DYNC2I1: variants seen among roughly 807,000 people sequenced by gnomAD.
The protein encoded by DYNC2I1 is cytoplasmic dynein 2 intermediate chain 1.
A neutral mutation model predicts 133.4 loss-of-function variants in DYNC2I1; 89 were observed. The observed-to-expected ratio is 0.67, with a 90% confidence interval of 0.56 to 0.80. The LOEUF is 0.80. Ranked by LOEUF, DYNC2I1 falls within the 30% of genes least tolerant of loss-of-function variation. The probability of loss-of-function intolerance (pLI) is 0.00; values close to 1 mark genes in which losing one functional copy is unlikely to be tolerated. For missense variants in DYNC2I1, 1,291 were observed against 1,314.5 expected (o/e 0.98, Z 0.28); for synonymous variants, 504 against 484.3 (o/e 1.04, Z -0.54).
intron 17 of DYNC2I1, among the ~76,000 whole-genome samples, chr7:158,925,004 CCTT>C (rs1328007230): frequency 1.3e-5 from 2 of 152,184 alleles, no homozygotes; most frequent in African/African-American, 4.8e-5. Context: ...GATCTGCCCT[CCTT>C]GGCCTCCCAA....
intron 23 of DYNC2I1, among the ~76,000 whole-genome samples, chr7:158,936,933 T>C (rs1850817392): frequency 6.6e-6 from 1 of 152,044 alleles, no homozygotes; most frequent in African/African-American, 2.4e-5. Context: ...CAAAACAAGC[T>C]GGACAGAGAA....
chr7:158,849,839 G>C, the DYNC2I1 span, among the ~76,000 whole-genome samples: 1 of 152,230 alleles, frequency 6.6e-6, no homozygotes, highest in African/African-American at 2.4e-5. Flanking sequence ...AGGGGAGGAA[G>C]TGCATCCTGA....
chr7:158,873,706 A>G (rs1408915548), intron 3 of DYNC2I1, among the ~76,000 whole-genome samples: 1 of 152,202 alleles, frequency 6.6e-6, no homozygotes, highest in African/African-American at 2.4e-5. Flanking sequence ...AGCCCACCAC[A>G]GCCTTGAACT....
chr7:158,866,227 C>G (rs551372230), intron 1 of DYNC2I1, among the ~76,000 whole-genome samples: 1 of 150,756 alleles, frequency 6.6e-6, no homozygotes, highest in Non-Finnish European at 1.5e-5. Context: ...GCAGCGCCCA[C>G]GTCTCCTGGT....
At chr7:158,854,784 G>A (rs1841134031), upstream of DYNC2I1, among the ~76,000 whole-genome samples, 1 of 152,200 alleles carries the variant, frequency 6.6e-6, no homozygotes, top group South Asian at 2.1e-4. Context: ...CTCTTTCACT[G>A]TCATAATTTT....
chr7:158,957,956 G>A (rs1407442797), downstream of DYNC2I1, among the ~76,000 whole-genome samples: 2 of 152,080 alleles, frequency 1.3e-5, no homozygotes, highest in African/African-American at 4.8e-5. Context: ...GGACCCTGAG[G>A]GCCCCTCGGC....
upstream of DYNC2I1, among the ~76,000 whole-genome samples, chr7:158,853,380 C>G (rs1362901494): frequency 2.0e-5 from 3 of 152,148 alleles, no homozygotes; most frequent in Non-Finnish European, 4.4e-5. Flanking sequence ...GAACAGGCTT[C>G]TTTAAGTCTG....
intron 1 of DYNC2I1, among the ~76,000 whole-genome samples, chr7:158,857,032 C>A (rs941823142): frequency 6.6e-6 from 1 of 152,046 alleles, no homozygotes; most frequent in South Asian, 2.1e-4. Flanking sequence ...TCCTCGCGCC[C>A]GGCCTGGAGG....
chr7:158,846,495 T>C, the DYNC2I1 span, among the ~76,000 whole-genome samples: 1 of 152,286 alleles, frequency 6.6e-6, no homozygotes, highest in South Asian at 2.1e-4. Flanking sequence ...TCTATGTAAG[T>C]AGTAATACTG....
At chr7:158,915,090 T>C (rs62476470) in intron 14 of DYNC2I1, among the ~76,000 whole-genome samples, 171 of 127,086 alleles carry the variant, frequency 1.3e-3, no homozygotes, top group African/African-American at 2.0e-3. Flanking sequence ...AACCTCGACA[T>C]GCTGGTTGAC....
chr7:158,924,444 A>G (rs1401495736), intron 17 of DYNC2I1, among the ~76,000 whole-genome samples: 1 of 151,934 alleles, frequency 6.6e-6, no homozygotes, highest in East Asian at 1.9e-4. Flanking sequence ...ATTATCATAG[A>G]TATGTTGCGT....
intron 13 of DYNC2I1, 59 bp downstream of exon 13, chr7:158,913,155 T>C: frequency 7.9e-7 from 1 of 1,269,562 alleles, no homozygotes; most frequent in Non-Finnish European, 1.1e-6. Flanking sequence ...TTTTGTTTTA[T>C]TTTTACTTAT....
Position 158,922,477 on chromosome 7 carries a change from C to T in DYNC2I1, c.2022C>T (p.Ser674=). 1.9e-6 allele frequency: 3 copies of T among 1,613,976 alleles called. No homozygotes were observed. The highest frequency in any genetic ancestry group is 2.5e-6 in the Non-Finnish European group (3 of 1,179,898). ...AGAGCTTTGTGCCCCTGCTGGACAG[C>T]AAATACGTCCTCTGTGTGTGGGATA... ...PEKSFVPLLD[S]KYVLCVWDIW... The change falls in exon 16 of 25, where the codon AGC becomes AGT. Residue 674 remains serine (S), a synonymous_variant. Transcript: ENST00000407559.
chr7:158,864,650 C>T (rs996011301), intron 1 of DYNC2I1, among the ~76,000 whole-genome samples: 1 of 151,274 alleles, frequency 6.6e-6, no homozygotes, highest in Non-Finnish European at 1.5e-5. Flanking sequence ...GCTGGGACTG[C>T]GGTTGAATCA....
intron 21 of DYNC2I1, among the ~76,000 whole-genome samples, chr7:158,932,005 C>G (rs866098368): frequency 6.6e-6 from 1 of 152,154 alleles, no homozygotes; most frequent in Non-Finnish European, 1.5e-5. Context: ...AGGAGCTGAG[C>G]TGTGAGGCAG....
chr7:158,873,409 A>G (rs911544343), intron 3 of DYNC2I1, among the ~76,000 whole-genome samples: 1 of 152,188 alleles, frequency 6.6e-6, no homozygotes, highest in Non-Finnish European at 1.5e-5. Flanking sequence ...AGACACGGTG[A>G]TCTGTTTATC....
intron 8 of DYNC2I1, among the ~76,000 whole-genome samples, chr7:158,891,882 G>A (rs1177903160): frequency 1.1e-4 from 13 of 113,114 alleles, no homozygotes; most frequent in African/African-American, 3.8e-4. Flanking sequence ...CGGGGCCTCT[G>A]AAGGACGTAG....
At chr7:158,877,232 C>T (rs943391509) in intron 4 of DYNC2I1, among the ~76,000 whole-genome samples, 5 of 150,366 alleles carry the variant, frequency 3.3e-5, no homozygotes, top group South Asian at 2.1e-4. Context: ...GAGGCACCTG[C>T]GGTTCCGGAT....
chr7:158,893,558 A>G (rs1845442930), intron 8 of DYNC2I1, among the ~76,000 whole-genome samples: 1 of 152,178 alleles, frequency 6.6e-6, no homozygotes. Flanking sequence ...ACTGTAGAGT[A>G]TTGGTTGTTC....
Sources: allele counts gnomAD v4.1 joint callset (sites outside exome capture counted in the v4.1 genomes callset), GRCh38; gene constraint gnomAD v4.1.1; transcripts MANE v1.5; gene names NCBI Gene and HGNC (gene_info 2026-07-23, HGNC 2026-07-21).